KHDRBS2: variants seen among roughly 807,000 people sequenced by gnomAD.
KHDRBS2 encodes the protein KH RNA binding domain containing, signal transduction associated 2.
A neutral mutation model predicts 44.3 loss-of-function variants in KHDRBS2; 26 were observed. That is an observed-to-expected ratio of 0.59 (90% confidence interval 0.43 to 0.81). The LOEUF (loss-of-function observed/expected upper bound fraction) is 0.81, where lower values mean the gene tolerates loss of function less well. KHDRBS2 is among the 40% of genes least tolerant of loss of function. The pLI, the probability that KHDRBS2 is intolerant of heterozygous loss-of-function variation, is 0.00. For synonymous variants in KHDRBS2, 194 were observed against 151.1 expected (o/e 1.28, Z -2.08); for missense variants, 476 against 433.1 (o/e 1.10, Z -0.88).
intron 1 of KHDRBS2, among the ~76,000 whole-genome samples, chr6:62,277,020 T>C (rs1395957521): frequency 6.6e-6 from 1 of 152,202 alleles, no homozygotes; most frequent in Admixed American, 6.5e-5. Flanking sequence ...ATGCATCGTC[T>C]AGTACAGTGT....
At chr6:61,727,342 G>A (rs1773736801) in intron 7 of KHDRBS2, among the ~76,000 whole-genome samples, 1 of 152,226 alleles carries the variant, frequency 6.6e-6, no homozygotes, top group East Asian at 1.9e-4. Context: ...AGAAGAGCTA[G>A]GCAATACTAT....
chr6:62,275,960 T>C (rs569756391), intron 1 of KHDRBS2, among the ~76,000 whole-genome samples: 1 of 152,334 alleles, frequency 6.6e-6, no homozygotes, highest in Admixed American at 6.5e-5. Context: ...ACTTGAGTCA[T>C]CCCTTTCTTC....
the KHDRBS2 span, among the ~76,000 whole-genome samples, chr6:61,670,780 G>C: frequency 3.8e-5 from 5 of 130,348 alleles, no homozygotes; most frequent in Non-Finnish European, 9.0e-5. Context: ...TATGAACAGA[G>C]ATTACATATT....
At chr6:61,818,266 T>TAAAAAAAAAA (rs60399147) in intron 6 of KHDRBS2, among the ~76,000 whole-genome samples, 1,154 of 114,164 alleles carry the variant, frequency 0.01, 18 homozygotes, top group African/African-American at 0.034. Flanking sequence ...CCTCTGTAAG[T>TAAAAAAAAAA]AAAAAAAAAA....
At chr6:61,665,359 A>G in the KHDRBS2 span, among the ~76,000 whole-genome samples, 2 of 151,402 alleles carry the variant, frequency 1.3e-5, no homozygotes, top group African/African-American at 4.8e-5. Context: ...TATATTTTTA[A>G]GTGTAAGAGG....
chr6:61,576,058 T>C, the KHDRBS2 span, among the ~76,000 whole-genome samples: 1 of 151,674 alleles, frequency 6.6e-6, no homozygotes, highest in African/African-American at 2.4e-5. Context: ...ACTAAAGGCC[T>C]TATCCATGTA....
chr6:61,770,316 A>G lies in KHDRBS2; in HGVS notation c.811-37552T>C, dbSNP rs147549470. ...AAAGGAAGGCAGCTCTTCACCAGCAATGGAACAAAGCTGGATGGGGAATGA... is the reference window on the plus strand; with the variant it reads ...AAAGGAAGGCAGCTCTTCACCAGCAGTGGAACAAAGCTGGATGGGGAATGA... On this transcript the variant is annotated intron_variant, in intron 6 of 8. Coordinates refer to ENST00000281156, the MANE Select transcript of KHDRBS2 (RefSeq NM_152688.4). 2.1e-3 allele frequency among the ~76,000 whole-genome samples: 316 copies of G among 152,322 alleles called. 3 individuals carry two copies. The highest frequency in any genetic ancestry group is 6.8e-3 in the African/African-American group (284 of 41,576).
chr6:61,783,784 A>T (rs1182510940), intron 6 of KHDRBS2, among the ~76,000 whole-genome samples: 4 of 152,096 alleles, frequency 2.6e-5, no homozygotes, highest in Non-Finnish European at 5.9e-5. Context: ...GGAGATTAAT[A>T]ATAGTAGTCA....
intron 6 of KHDRBS2, among the ~76,000 whole-genome samples, chr6:61,780,934 A>G (rs1231942467): frequency 1.3e-5 from 2 of 152,160 alleles, no homozygotes; most frequent in African/African-American, 4.8e-5. Flanking sequence ...CATCCTATTT[A>G]GCAGGTGTAC....
chr6:61,942,677 G>T (rs980522929), intron 4 of KHDRBS2, among the ~76,000 whole-genome samples: 1 of 152,048 alleles, frequency 6.6e-6, no homozygotes, highest in Non-Finnish European at 1.5e-5. Flanking sequence ...AATACATGAA[G>T]CATTTCCAAG....
At chr6:62,086,343 G>A (rs1253727361) in intron 2 of KHDRBS2, among the ~76,000 whole-genome samples, 1 of 152,034 alleles carries the variant, frequency 6.6e-6, no homozygotes, top group African/African-American at 2.4e-5. Context: ...AAACAGGAAG[G>A]GGTAGAAAGA....
intron 3 of KHDRBS2, among the ~76,000 whole-genome samples, chr6:61,990,080 T>G (rs1584001397): frequency 6.6e-6 from 1 of 152,334 alleles, no homozygotes; most frequent in East Asian, 1.9e-4. Flanking sequence ...CCATTCATTT[T>G]CTTATTTTAC....
At chr6:62,198,009 G>C (rs1826050482) in intron 1 of KHDRBS2, among the ~76,000 whole-genome samples, 1 of 151,994 alleles carries the variant, frequency 6.6e-6, no homozygotes, top group African/African-American at 2.4e-5. Context: ...ACGAAATAAA[G>C]GCAGAAATAA....
chr6:62,005,592 T>C (rs914863773), intron 3 of KHDRBS2, among the ~76,000 whole-genome samples: 8 of 151,570 alleles, frequency 5.3e-5, no homozygotes, highest in African/African-American at 1.9e-4. Context: ...AAAAATCAAA[T>C]TCATTTAAAT....
rs528117932 is a variant in KHDRBS2 at position 62,123,988 on chromosome 6, C to T, written c.219+53197G>A. Among the ~76,000 whole-genome samples the T allele has an allele frequency of 5.3e-5, 8 of 152,242 alleles. 1 individual carries two copies. The South Asian group carries it at 1.0e-3, about 20-fold the overall frequency. On this transcript the variant is annotated intron_variant, in intron 2 of 8. Transcript: ENST00000281156. ...CTATTACACTGATTCATTGATTTTT[C>T]CCCCCTTATACTTGCCCTTTTCATT...
intron 7 of KHDRBS2, among the ~76,000 whole-genome samples, chr6:61,726,056 A>G (rs572331558): frequency 1.3e-5 from 2 of 152,284 alleles, no homozygotes; most frequent in African/African-American, 4.8e-5. Flanking sequence ...TCAATAAAAT[A>G]CTAGAAAACT....
intron 3 of KHDRBS2, among the ~76,000 whole-genome samples, chr6:62,036,335 A>G (rs1175772785): frequency 6.6e-6 from 1 of 151,996 alleles, no homozygotes; most frequent in African/African-American, 2.4e-5. Context: ...CCTATAAGTA[A>G]TTTTACAATA....
intron 6 of KHDRBS2, among the ~76,000 whole-genome samples, chr6:61,755,018 T>C (rs1305810517): frequency 6.6e-6 from 1 of 152,184 alleles, no homozygotes; most frequent in Non-Finnish European, 1.5e-5. Flanking sequence ...TAAAATTATA[T>C]ACTTATCTAT....
At chr6:62,282,565 A>G (rs1292976110) in intron 1 of KHDRBS2, among the ~76,000 whole-genome samples, 2 of 152,156 alleles carry the variant, frequency 1.3e-5, no homozygotes, top group Non-Finnish European at 2.9e-5. Flanking sequence ...CAGACACAGA[A>G]TATTTCCAGA....
Sources: allele counts gnomAD v4.1 joint callset (sites outside exome capture counted in the v4.1 genomes callset), GRCh38; gene constraint gnomAD v4.1.1; transcripts MANE v1.5; gene names NCBI Gene and HGNC (gene_info 2026-07-23, HGNC 2026-07-21).